The following TBC1D5 variants were observed in gnomAD, a reference collection of about 807,000 sequenced individuals.
The protein encoded by TBC1D5 is TBC1 domain family member 5.
A neutral mutation model predicts 100.3 loss-of-function variants in TBC1D5; 75 were observed. That is an observed-to-expected ratio of 0.75 (90% CI 0.62 to 0.91). The LOEUF (loss-of-function observed/expected upper bound fraction) is 0.91, where lower values mean the gene tolerates loss of function less well. Among genes scored for constraint, TBC1D5 ranks in the 40% least tolerant of loss-of-function variants. The probability of loss-of-function intolerance (pLI) is 0.00; values close to 1 mark genes in which losing one functional copy is unlikely to be tolerated. For synonymous variants in TBC1D5, 323 were observed against 325.6 expected, an observed-to-expected ratio of 0.99 and a Z score of 0.09; for missense variants, 910 against 942.4, an observed-to-expected ratio of 0.97 and a Z score of 0.45.
At chr3:17,296,189 C>A (rs1228386034) in intron 14 of TBC1D5, among the ~76,000 whole-genome samples, 3 of 152,108 alleles carry the variant, frequency 2.0e-5, no homozygotes, top group Non-Finnish European at 4.4e-5. Flanking sequence ...AACAAATAAT[C>A]ATGGATTAAG....
intron 2 of TBC1D5, among the ~76,000 whole-genome samples, chr3:17,517,674 T>C (rs559178234): frequency 6.6e-6 from 1 of 152,344 alleles, no homozygotes; most frequent in East Asian, 1.9e-4. Context: ...ATCTGGTTTA[T>C]ATTTGACATA....
chr3:17,707,539 T>A (rs1233118096), intron 1 of TBC1D5, among the ~76,000 whole-genome samples: 1 of 152,088 alleles, frequency 6.6e-6, no homozygotes, highest in Non-Finnish European at 1.5e-5. Context: ...GAACAAAATG[T>A]CAAAATAGAA....
intron 2 of TBC1D5, chr3:17,518,954 T>G (rs771259618): frequency 1.3e-5 from 2 of 152,342 alleles, no homozygotes; most frequent in Non-Finnish European, 2.9e-5. Flanking sequence ...TTCCAGCACT[T>G]GTGCACTCCA....
At chr3:17,432,034 A>G (rs1436690295) in intron 3 of TBC1D5, among the ~76,000 whole-genome samples, 1 of 152,176 alleles carries the variant, frequency 6.6e-6, no homozygotes, top group Admixed American at 6.5e-5. Context: ...CACTATAAAT[A>G]ATCACGCCTA....
chr3:17,281,889 G>T (rs1046323407), intron 15 of TBC1D5, among the ~76,000 whole-genome samples: 4 of 152,000 alleles, frequency 2.6e-5, no homozygotes, highest in South Asian at 2.1e-4. Context: ...AAAAGTGATG[G>T]TTTTTTTGTT....
intron 3 of TBC1D5, among the ~76,000 whole-genome samples, chr3:17,490,524 G>T (rs2095626041): frequency 6.6e-6 from 1 of 152,016 alleles, no homozygotes; most frequent in South Asian, 2.1e-4. Flanking sequence ...TAAGGAAGGG[G>T]TCTAGTTTCA....
rs576997038 is a variant in TBC1D5 at position 17,221,441 on chromosome 3, C to T, written c.1589-7071G>A. On this transcript the variant is annotated intron_variant, in intron 17 of 21. Coordinates refer to ENST00000253692, the Ensembl canonical transcript of TBC1D5. Reference sequence around the variant, plus strand: ...CTAATGCTATCCCTCCCCTCTCCCACGACCCCACAACAGTCCCCAGTGTGT... The same window carrying T: ...CTAATGCTATCCCTCCCCTCTCCCATGACCCCACAACAGTCCCCAGTGTGT... 7.2e-5 allele frequency among the ~76,000 whole-genome samples: 11 copies of T among 152,190 alleles called. 1 individual carries two copies. The highest frequency in any genetic ancestry group is 2.2e-4 in the African/African-American group (9 of 41,506).
intron 2 of TBC1D5, among the ~76,000 whole-genome samples, chr3:17,622,979 A>T (rs193301972): frequency 6.6e-6 from 1 of 152,320 alleles, no homozygotes; most frequent in African/African-American, 2.4e-5. Flanking sequence ...AAAGCCTATG[A>T]GCTCTAAATT....
chr3:17,290,696 C>A (rs1287371961), intron 15 of TBC1D5, among the ~76,000 whole-genome samples: 1 of 152,056 alleles, frequency 6.6e-6, no homozygotes, highest in Non-Finnish European at 1.5e-5. Flanking sequence ...TATAGTCATA[C>A]AACTTACAAA....
chr3:17,674,923 G>C (rs1020151959), intron 1 of TBC1D5, among the ~76,000 whole-genome samples: 2 of 151,998 alleles, frequency 1.3e-5, no homozygotes, highest in South Asian at 2.1e-4. Context: ...AATGAATGTT[G>C]AATTTAAATG....
At chr3:17,708,496 T>C (rs1030049282) in intron 1 of TBC1D5, among the ~76,000 whole-genome samples, 1 of 152,244 alleles carries the variant, frequency 6.6e-6, no homozygotes, top group African/African-American at 2.4e-5. Flanking sequence ...GAATTCTTGA[T>C]ATGTTGGGCC....
intron 1 of TBC1D5, among the ~76,000 whole-genome samples, chr3:17,686,309 G>C (rs926837552): frequency 3.3e-5 from 5 of 152,080 alleles, no homozygotes; most frequent in Non-Finnish European, 4.4e-5. Flanking sequence ...TCTACCCATA[G>C]TATAGCATTC....
At chr3:17,233,830 T>A in intron 17 of TBC1D5, 80 bp from the exon 18 acceptor site, 1 of 773,402 alleles carries the variant, frequency 1.3e-6, no homozygotes, top group Non-Finnish European at 2.1e-6. Context: ...CTGAATGTTC[T>A]AATACTTTAA....
Position 17,723,916 on chromosome 3 carries a change from C to T in TBC1D5, c.-101+15427G>A, listed in dbSNP as rs144977164. On this transcript the variant is annotated intron_variant, in intron 1 of 21. Coordinates refer to ENST00000253692, the Ensembl canonical transcript of TBC1D5. The stretch of plus-strand genomic sequence containing the variant: ...AAGGGTCAACTACATTAGAATACTT[C>T]ATTATAATACTAGAACCAATCAGAA... 4.6e-3 allele frequency among the ~76,000 whole-genome samples: 701 copies of T among 152,164 alleles called. 7 individuals are homozygous for T. Among genetic ancestry groups the T allele is most frequent in the Middle Eastern group, 0.024 (7 of 294 alleles).
rs60259858 is a variant in TBC1D5, at chr3:17,372,058, A to AC, written c.995+16_995+17insG. 5.7e-6 allele frequency: 9 copies of AC among 1,588,254 alleles called. No homozygotes were observed. Among genetic ancestry groups the AC allele is most frequent in the Admixed American group, 5.2e-5 (3 of 57,814 alleles). On this transcript the variant is annotated intron_variant, in intron 13 of 21. Transcript: ENST00000253692. ...TCTCAAAAAACAAACAAACAAACAA[A>AC]GAACTTTAATACTTACAACCCATAT...
At chr3:17,559,206 T>C (rs1296163621) in intron 2 of TBC1D5, among the ~76,000 whole-genome samples, 1 of 151,852 alleles carries the variant, frequency 6.6e-6, no homozygotes, top group Admixed American at 6.6e-5. Context: ...TGCAGTGGCA[T>C]CTCGGTTCCC....
intron 1 of TBC1D5, among the ~76,000 whole-genome samples, chr3:17,696,758 G>A (rs1333716375): frequency 1.3e-5 from 2 of 152,150 alleles, no homozygotes; most frequent in East Asian, 1.9e-4. Context: ...ATTTTATGAG[G>A]CCAACATCTT....
intron 1 of TBC1D5, among the ~76,000 whole-genome samples, chr3:17,650,578 T>C (rs999419292): frequency 2.0e-5 from 3 of 152,300 alleles, no homozygotes; most frequent in Non-Finnish European, 2.9e-5. Flanking sequence ...AGAAGCCAAA[T>C]TGATTTCTTA....
At chr3:17,287,241 T>A (rs1452820655) in intron 15 of TBC1D5, among the ~76,000 whole-genome samples, 1 of 152,220 alleles carries the variant, frequency 6.6e-6, no homozygotes, top group Non-Finnish European at 1.5e-5. Flanking sequence ...GAATGAGGCA[T>A]GGCACTTGAA....
Sources: gnomAD v4.1 joint callset for allele counts (sites outside exome capture counted in the v4.1 genomes callset) on GRCh38, gnomAD v4.1.1 for gene constraint, MANE v1.5 for transcripts, NCBI Gene and HGNC (gene_info 2026-07-23, HGNC 2026-07-21) for gene names.